C12orf42: variants seen among roughly 807,000 people sequenced by gnomAD.
C12orf42 encodes uncharacterized protein C12orf42.
In C12orf42, 25 loss-of-function variants were observed where a neutral mutation model predicts 21.6. That is an observed-to-expected ratio of 1.16 (90% CI 0.84 to 1.62). The LOEUF (loss-of-function observed/expected upper bound fraction) is 1.62, where lower values mean the gene tolerates loss of function less well. Ranked by LOEUF, C12orf42 falls within the 40% of genes most tolerant of loss-of-function variation. C12orf42 has a pLI of 0.00. For synonymous variants in C12orf42, 174 were observed against 175.0 expected (o/e 0.99, Z 0.05); for missense variants, 483 against 459.3 (o/e 1.05, Z -0.47).
rs146773821 is a variant in C12orf42 at position 103,293,731 on chromosome 12, G to T, written n.338-16521C>A. 3.6e-3 allele frequency among the ~76,000 whole-genome samples: 554 copies of T among 152,240 alleles called. 5 individuals are homozygous for T. Among genetic ancestry groups the T allele is most frequent in the African/African-American group, 0.013 (543 of 41,536 alleles). On this transcript the variant is annotated intron_variant and non_coding_transcript_variant, in intron 4 of 6. Coordinates refer to the C12orf42 transcript ENST00000546526. ...GTGTTGTTTAACACTTTCCATGGGG[G>T]TCCAAGGCAGAACTATATCATCAAA...
intron 3 of C12orf42, among the ~76,000 whole-genome samples, chr12:103,381,683 C>T (rs1438367704): frequency 3.3e-5 from 5 of 152,078 alleles, no homozygotes; most frequent in South Asian, 2.1e-4. Flanking sequence ...TTTGGGAGGC[C>T]GAGGCAGGCG....
chr12:103,368,753 G>A (rs2044870977), intron 4 of C12orf42, 134 bp downstream of exon 4: 1 of 541,670 alleles, frequency 1.8e-6, no homozygotes, highest in Non-Finnish European at 3.3e-6. Context: ...ATGAGCCAAT[G>A]AATTTCCTCT....
At chr12:103,184,038 T>C in the C12orf42 span, among the ~76,000 whole-genome samples, 1 of 152,244 alleles carries the variant, frequency 6.6e-6, no homozygotes, top group African/African-American at 2.4e-5. Flanking sequence ...GCTGTGTATG[T>C]TGCCACTGCT....
intron 2 of C12orf42, among the ~76,000 whole-genome samples, chr12:103,465,039 CT>C (rs771341759): frequency 1.3e-5 from 2 of 151,904 alleles, no homozygotes; most frequent in Non-Finnish European, 2.9e-5. Flanking sequence ...TTATTTTGTT[CT>C]TTTTACTTTA....
the C12orf42 span, among the ~76,000 whole-genome samples, chr12:103,508,088 G>A: frequency 6.6e-6 from 1 of 152,076 alleles, no homozygotes; most frequent in Non-Finnish European, 1.5e-5. Context: ...TTATTTTCAG[G>A]ATTATTGTAA....
chr12:103,054,300 T>A, the C12orf42 span, among the ~76,000 whole-genome samples: 5 of 151,882 alleles, frequency 3.3e-5, no homozygotes, highest in African/African-American at 4.8e-5. Flanking sequence ...ACTATACATG[T>A]TTTATTTGAT....
the C12orf42 span, among the ~76,000 whole-genome samples, chr12:103,062,979 AAGAATGG>A: frequency 6.6e-6 from 1 of 152,158 alleles, no homozygotes; most frequent in Non-Finnish European, 1.5e-5. Flanking sequence ...CTACTTCTAA[AAGAATGG>A]AGAACACTGA....
At chr12:103,427,295 G>GAAAAAAAAAAA (rs71097975) in intron 2 of C12orf42, among the ~76,000 whole-genome samples, 2 of 120,622 alleles carry the variant, frequency 1.7e-5, no homozygotes, top group African/African-American at 3.3e-5. Context: ...AAAAAAAAAA[G>GAAAAAAAAAAA]AAAAAAAAAA....
the C12orf42 span, among the ~76,000 whole-genome samples, chr12:103,109,158 T>C: frequency 1.3e-5 from 2 of 151,990 alleles, no homozygotes; most frequent in Non-Finnish European, 2.9e-5. Flanking sequence ...GAAGAAGAAT[T>C]AGGAGGGGAA....
At chr12:103,396,392 T>A (rs2047537838) in intron 3 of C12orf42, 1 of 152,238 alleles carries the variant, frequency 6.6e-6, no homozygotes, top group Non-Finnish European at 1.5e-5. Context: ...GTCAGTCAAT[T>A]ACGCCTCTTT....
chr12:103,341,251 A>T (rs1253633012), intron 4 of C12orf42, among the ~76,000 whole-genome samples: 8 of 152,068 alleles, frequency 5.3e-5, no homozygotes, highest in Non-Finnish European at 1.5e-5. Flanking sequence ...GCTACTCAGG[A>T]AGCTGAGGTG....
chr12:103,503,253 T>C, the C12orf42 span: 3 of 152,134 alleles, frequency 2.0e-5, no homozygotes, highest in South Asian at 4.1e-4. Context: ...ATTAAAATAT[T>C]TGGTGAACTG....
At chr12:103,291,708 T>A (rs1168320650) in intron 4 of C12orf42, among the ~76,000 whole-genome samples, 1 of 152,178 alleles carries the variant, frequency 6.6e-6, no homozygotes, top group Non-Finnish European at 1.5e-5. Flanking sequence ...TTGTAAACTG[T>A]CATGGCACCA....
chr12:103,089,312 G>C, the C12orf42 span, among the ~76,000 whole-genome samples: 1 of 152,078 alleles, frequency 6.6e-6, no homozygotes, highest in Non-Finnish European at 1.5e-5. Flanking sequence ...TTTTTTAAAA[G>C]AAAATGTATT....
intron 4 of C12orf42, among the ~76,000 whole-genome samples, chr12:103,310,312 G>A (rs1448639246): frequency 6.6e-6 from 1 of 151,714 alleles, no homozygotes; most frequent in East Asian, 1.9e-4. Context: ...TTTTGCCATG[G>A]GACTTGCCTA....
chr12:103,395,195 CT>C (rs1003305498), intron 3 of C12orf42, among the ~76,000 whole-genome samples: 2 of 152,180 alleles, frequency 1.3e-5, no homozygotes, highest in African/African-American at 2.4e-5. Context: ...AACACCCTTC[CT>C]TTTTTCTAAT....
At chr12:103,370,221 A>T (rs1566174043) in intron 3 of C12orf42, among the ~76,000 whole-genome samples, 1 of 152,150 alleles carries the variant, frequency 6.6e-6, no homozygotes, top group Non-Finnish European at 1.5e-5. Context: ...ACTAAATGTC[A>T]AAGAATAACA....
intron 2 of C12orf42, among the ~76,000 whole-genome samples, chr12:103,419,787 C>T (rs1410924218): frequency 6.6e-6 from 1 of 152,140 alleles, no homozygotes; most frequent in Non-Finnish European, 1.5e-5. Flanking sequence ...TGTGTGGATA[C>T]CTCGTCATAG....
At chr12:103,499,124 G>A (rs1432230337), upstream of C12orf42, among the ~76,000 whole-genome samples, 1 of 152,128 alleles carries the variant, frequency 6.6e-6, no homozygotes, top group African/African-American at 2.4e-5. Context: ...AAGGGAAATG[G>A]GGAGATGTTA....
Sources: gnomAD v4.1 joint callset for allele counts (sites outside exome capture counted in the v4.1 genomes callset) on GRCh38, gnomAD v4.1.1 for gene constraint, MANE v1.5 for transcripts, NCBI Gene and HGNC (gene_info 2026-07-23, HGNC 2026-07-21) for gene names.